The following DCLK1 variants were observed in gnomAD, a reference collection of about 807,000 sequenced individuals.
DCLK1 encodes doublecortin like kinase 1.
A neutral mutation model predicts 86.2 loss-of-function variants in DCLK1; 16 were observed. That is an observed-to-expected ratio of 0.19 (90% CI 0.13 to 0.28). DCLK1 has a LOEUF of 0.28. Among genes scored for constraint, DCLK1 ranks in the 10% least tolerant of loss-of-function variants. DCLK1 has a pLI of 1.00. For synonymous variants in DCLK1, 369 were observed against 370.5 expected, an observed-to-expected ratio of 1.00 and a Z score of 0.05; for missense variants, 590 against 940.2, an observed-to-expected ratio of 0.63 and a Z score of 4.87.
chr13:36,127,603 CAT>C (rs1378307301), intron 1 of DCLK1, among the ~76,000 whole-genome samples: 1 of 152,164 alleles, frequency 6.6e-6, no homozygotes, highest in African/African-American at 2.4e-5. Context: ...TAGTGTCTGA[CAT>C]GTGATAAGTA....
intron 4 of DCLK1, among the ~76,000 whole-genome samples, chr13:35,917,124 C>T (rs750638889): frequency 1.3e-5 from 2 of 152,306 alleles, no homozygotes; most frequent in African/African-American, 4.8e-5. Flanking sequence ...CCATGACTGT[C>T]CACCCTTCAT....
At chr13:36,001,506 GTC>G (rs1394821357) in intron 3 of DCLK1, among the ~76,000 whole-genome samples, 1 of 151,978 alleles carries the variant, frequency 6.6e-6, no homozygotes, top group Non-Finnish European at 1.5e-5. Flanking sequence ...GCCTTTTCAG[GTC>G]CCCTTCTTCC....
At chr13:35,883,323 T>C (rs117098190) in intron 4 of DCLK1, among the ~76,000 whole-genome samples, 198 of 152,040 alleles carry the variant, frequency 1.3e-3, no homozygotes, top group Admixed American at 2.4e-3. Flanking sequence ...AGGTAATGAG[T>C]GTGTTCTCGC....
At chr13:36,082,370 T>C (rs1049447708) in intron 3 of DCLK1, among the ~76,000 whole-genome samples, 14 of 152,200 alleles carry the variant, frequency 9.2e-5, no homozygotes, top group African/African-American at 3.4e-4. Context: ...ACATGAAATA[T>C]GTGTTATGTT....
At chr13:36,056,654 A>G (rs896253064) in intron 3 of DCLK1, among the ~76,000 whole-genome samples, 1 of 127,958 alleles carries the variant, frequency 7.8e-6, no homozygotes, top group Non-Finnish European at 1.5e-5. Flanking sequence ...ATTCCAGAGC[A>G]CACAAAAAAA....
intron 3 of DCLK1, among the ~76,000 whole-genome samples, chr13:35,992,629 AT>A (rs1234827596): frequency 6.6e-6 from 1 of 152,072 alleles, no homozygotes; most frequent in Non-Finnish European, 1.5e-5. Flanking sequence ...ATGACCACAA[AT>A]GCCCCAGTCT....
intron 4 of DCLK1, among the ~76,000 whole-genome samples, chr13:35,900,068 C>A (rs1041910638): frequency 6.6e-6 from 1 of 151,830 alleles, no homozygotes; most frequent in African/African-American, 2.4e-5. Flanking sequence ...GAATATGTTA[C>A]AGGAATTAAG....
intron 4 of DCLK1, among the ~76,000 whole-genome samples, chr13:35,889,049 TTTGTGTTTAGAAAACAGATAATC>T (rs1566587624): frequency 1.3e-5 from 2 of 152,314 alleles, no homozygotes; most frequent in East Asian, 3.9e-4. Flanking sequence ...AATATATGCT[TTTGTGTTTAGAAAACAGATAATC>T]TTGTTCTCTT....
chr13:35,866,705 A>G (rs1441747870), intron 5 of DCLK1, among the ~76,000 whole-genome samples: 1 of 151,542 alleles, frequency 6.6e-6, no homozygotes, highest in Non-Finnish European at 1.5e-5. Context: ...CACCACACCC[A>G]GTCTAAAGAT....
intron 3 of DCLK1, among the ~76,000 whole-genome samples, chr13:36,068,975 T>C (rs1373549822): frequency 1.3e-5 from 2 of 152,242 alleles, no homozygotes; most frequent in Non-Finnish European, 2.9e-5. Context: ...ATAAAAGTTA[T>C]AGCTTTACAT....
intron 10 of DCLK1, among the ~76,000 whole-genome samples, chr13:35,826,010 C>A (rs544747516): frequency 1.2e-3 from 183 of 151,802 alleles, no homozygotes; most frequent in African/African-American, 4.2e-3. Flanking sequence ...GACGGGGTTT[C>A]ACCATGTTGG....
At chr13:35,902,828 C>T (rs961208670) in intron 4 of DCLK1, among the ~76,000 whole-genome samples, 12 of 152,154 alleles carry the variant, frequency 7.9e-5, no homozygotes, top group Admixed American at 7.2e-4. Flanking sequence ...GGCATATGTC[C>T]AAAAGATGCT....
chr13:35,844,516 T>C (rs1291170058), intron 6 of DCLK1, among the ~76,000 whole-genome samples: 1 of 152,168 alleles, frequency 6.6e-6, no homozygotes, highest in Admixed American at 6.5e-5. Context: ...CTTGTGTCAT[T>C]GGGTAGTCAC....
chr13:35,904,446 C>G (rs185173267), intron 4 of DCLK1, among the ~76,000 whole-genome samples: 1 of 152,316 alleles, frequency 6.6e-6, no homozygotes, highest in East Asian at 1.9e-4. Flanking sequence ...CTCGCCCCAA[C>G]CTCCCAAAGT....
At chr13:36,113,498 A>G (rs757996907) in intron 2 of DCLK1, among the ~76,000 whole-genome samples, 1 of 152,166 alleles carries the variant, frequency 6.6e-6, no homozygotes, top group African/African-American at 2.4e-5. Flanking sequence ...TCAAAAACTT[A>G]TATGTATTTT....
chr13:35,812,578 G>A (rs2087170491), intron 11 of DCLK1, among the ~76,000 whole-genome samples: 1 of 152,244 alleles, frequency 6.6e-6, no homozygotes, highest in African/African-American at 2.4e-5. Flanking sequence ...GCAGATGTTT[G>A]GCCAGCTAAG....
At chr13:36,036,656 A>C (rs972089268) in intron 3 of DCLK1, among the ~76,000 whole-genome samples, 4 of 152,152 alleles carry the variant, frequency 2.6e-5, no homozygotes, top group African/African-American at 9.6e-5. Context: ...TATATATAAC[A>C]TAGAAAGTCA....
intron 3 of DCLK1, among the ~76,000 whole-genome samples, chr13:36,107,587 A>T (rs1207269814): frequency 6.6e-6 from 1 of 152,138 alleles, no homozygotes. Context: ...TTTCTACTTA[A>T]AGAGCAATCC....
intron 4 of DCLK1, among the ~76,000 whole-genome samples, chr13:35,924,084 C>T (rs1214495193): frequency 1.3e-5 from 2 of 152,140 alleles, no homozygotes; most frequent in Non-Finnish European, 2.9e-5. Context: ...CCCAGTGCTC[C>T]CCAAAGTATA....
Sources: gnomAD v4.1 joint callset for allele counts (sites outside exome capture counted in the v4.1 genomes callset) on GRCh38, gnomAD v4.1.1 for gene constraint, MANE v1.5 for transcripts, NCBI Gene and HGNC (gene_info 2026-07-23, HGNC 2026-07-21) for gene names.